The following SIAH3 variants were observed in gnomAD, a reference collection of about 807,000 sequenced individuals.
SIAH3 encodes seven in absentia homolog 3.
SIAH3 carries 9 observed loss-of-function variants against 12.6 expected under a neutral mutation model. The observed-to-expected ratio is 0.72, with a 90% confidence interval of 0.43 to 1.25. The LOEUF (loss-of-function observed/expected upper bound fraction) is 1.25. Ranked by LOEUF, SIAH3 falls within the 50% of genes most tolerant of loss-of-function variation. SIAH3 has a pLI of 0.00. For synonymous variants in SIAH3, 154 were observed against 151.1 expected (o/e 1.02, Z -0.14); for missense variants, 390 against 365.4 (o/e 1.07, Z -0.55).
intron 1 of SIAH3, among the ~76,000 whole-genome samples, chr13:45,844,485 T>C (rs9534234): frequency 0.45 from 68,797 of 152,008 alleles, 16,030 homozygotes; most frequent in African/African-American, 0.53. Flanking sequence ...AAATGAGAGT[T>C]AACCATTGGC....
chr13:45,841,383 C>G (rs942734116), intron 1 of SIAH3, among the ~76,000 whole-genome samples: 6 of 152,186 alleles, frequency 3.9e-5, no homozygotes, highest in Admixed American at 2.0e-4. Context: ...CTGCAGTGGC[C>G]CATCTCTTCT....
At chr13:45,831,179 AAAATAAATAAATAAATAAAT>A (rs200362215) in intron 1 of SIAH3, among the ~76,000 whole-genome samples, 6 of 142,578 alleles carry the variant, frequency 4.2e-5, no homozygotes, top group Non-Finnish European at 6.0e-5. Flanking sequence ...ACTGTGCCTC[AAAATAAATAAATAAATAAAT>A]AAATAAATAA....
chr13:45,787,411 C>A (rs550244254), intron 1 of SIAH3, among the ~76,000 whole-genome samples: 7 of 152,312 alleles, frequency 4.6e-5, no homozygotes, highest in African/African-American at 1.7e-4. Context: ...CCTATCCTGC[C>A]TCACTAGCTC....
chr13:45,840,166 G>A (rs1375782034), intron 1 of SIAH3, among the ~76,000 whole-genome samples: 3 of 152,010 alleles, frequency 2.0e-5, no homozygotes, highest in Non-Finnish European at 4.4e-5. Flanking sequence ...GCTGAGGTGT[G>A]AGAATCACTT....
intron 1 of SIAH3, among the ~76,000 whole-genome samples, chr13:45,837,403 C>A: frequency 6.6e-6 from 1 of 151,278 alleles, no homozygotes; most frequent in Middle Eastern, 3.2e-3. Context: ...ATATGAGGAG[C>A]TTTTTGGGGA....
intron 1 of SIAH3, among the ~76,000 whole-genome samples, chr13:45,850,104 G>A (rs1053866744): frequency 7.9e-5 from 12 of 152,194 alleles, no homozygotes; most frequent in Non-Finnish European, 1.6e-4. Context: ...AGGTGTGAAC[G>A]GTTGCATGCG....
intron 1 of SIAH3, among the ~76,000 whole-genome samples, chr13:45,790,138 A>C (rs562732323): frequency 1.3e-5 from 2 of 152,184 alleles, no homozygotes; most frequent in Non-Finnish European, 2.9e-5. Flanking sequence ...CCTCTGAAAT[A>C]CCACTGCATA....
At chr13:45,824,888 A>AC (rs1566094447) in intron 1 of SIAH3, among the ~76,000 whole-genome samples, 1 of 105,440 alleles carries the variant, frequency 9.5e-6, no homozygotes, top group South Asian at 2.9e-4. Context: ...AAAAAAAAAA[A>AC]CAAAAAAAAC....
rs1327018299 is a variant in SIAH3 at position 45,778,750 on chromosome 13, AAG to A, written c.*4631_*4632del. Reference sequence around the variant, plus strand: ...AATCAAGAATATTCAGGAAAAAAAAAAGAAATAATACAACAATAAGAAATAAT... The same window carrying A: ...AATCAAGAATATTCAGGAAAAAAAAAAAATAATACAACAATAAGAAATAAT... On this transcript the variant is annotated 3_prime_UTR_variant, in exon 2 of 2. Coordinates refer to ENST00000400405, the MANE Select transcript of SIAH3 (RefSeq NM_198849.3). 2 of 152,248 alleles carry A rather than the reference AAG, an allele frequency of 1.3e-5. No homozygotes were observed. Among genetic ancestry groups the A allele is most frequent in the Admixed American group, 6.5e-5 (1 of 15,288 alleles). 9.4% of individuals were successfully genotyped at this position (152,248 alleles called of 1,614,324 possible). A position where few individuals can be genotyped will look rare whatever the true frequency, so the allele number is the denominator to read the frequency against.
chr13:45,851,453 T>A, intron 1 of SIAH3, 42 bp downstream of exon 1: 1 of 1,610,226 alleles, frequency 6.2e-7, no homozygotes, highest in Non-Finnish European at 8.5e-7. Context: ...AGAAAGGACT[T>A]GAACCTGAGC....
intron 1 of SIAH3, among the ~76,000 whole-genome samples, chr13:45,833,801 C>T (rs961187290): frequency 1.5e-4 from 23 of 152,108 alleles, no homozygotes; most frequent in African/African-American, 4.8e-4. Flanking sequence ...CCAGAGCTGG[C>T]TCCCTCTCCC....
intron 1 of SIAH3, among the ~76,000 whole-genome samples, chr13:45,824,679 T>A (rs115255663): frequency 0.11 from 16,551 of 152,070 alleles, 1,273 homozygotes; most frequent in African/African-American, 0.21. Flanking sequence ...ACATAGAGCC[T>A]GGCACACAAA....
chr13:45,840,053 T>A (rs778516317), intron 1 of SIAH3, among the ~76,000 whole-genome samples: 1 of 151,724 alleles, frequency 6.6e-6, no homozygotes, highest in Non-Finnish European at 1.5e-5. Flanking sequence ...AGGTAAGGAG[T>A]TCGAGACCAG....
chr13:45,851,541 G>A lies in SIAH3; in HGVS notation c.89C>T (p.Ala30Val), dbSNP rs1047168191. The A allele has an allele frequency of 1.2e-6, 2 of 1,614,202 alleles. No individual in the cohort carries two copies. The highest frequency in any genetic ancestry group is 2.7e-5 in the African/African-American group (2 of 75,038). Residue 30 changes from alanine to valine, a missense_variant, in exon 1 of 2, where the codon GCT (alanine) becomes GTT (valine). Ala to Val is a moderately conservative substitution (Grantham distance 64, BLOSUM62 0). Transcript: ENST00000400405. ...QHYKAKRVFS[A>V]AGQLVCVVNP... ...GACGACACAGACAAGTTGCCCGGCA[G>A]CGGAGAAAACCCGTTTAGCCTTGTA...
At chr13:45,851,182 C>A (rs184336073) in intron 1 of SIAH3, among the ~76,000 whole-genome samples, 1 of 152,076 alleles carries the variant, frequency 6.6e-6, no homozygotes, top group Non-Finnish European at 1.5e-5. Context: ...GATGGGGACG[C>A]CCCCCTGTTC....
chr13:45,814,805 C>A (rs541968248), intron 1 of SIAH3, among the ~76,000 whole-genome samples: 1 of 151,756 alleles, frequency 6.6e-6, no homozygotes, highest in Non-Finnish European at 1.5e-5. Context: ...GCACTGCAAC[C>A]TCTGCCTTCC....
chr13:45,821,810 C>T (rs1400048589), intron 1 of SIAH3, among the ~76,000 whole-genome samples: 2 of 152,164 alleles, frequency 1.3e-5, no homozygotes, highest in African/African-American at 4.8e-5. Context: ...TGTTGCTCAG[C>T]ACGTTGGGTA....
chr13:45,847,908 A>G (rs1350971696), intron 1 of SIAH3, among the ~76,000 whole-genome samples: 3 of 152,078 alleles, frequency 2.0e-5, no homozygotes, highest in Non-Finnish European at 4.4e-5. Flanking sequence ...CCTTCTCTGG[A>G]AAAACCTGGG....
intron 1 of SIAH3, among the ~76,000 whole-genome samples, chr13:45,790,231 A>T (rs1566087207): frequency 6.6e-6 from 1 of 152,182 alleles, no homozygotes; most frequent in African/African-American, 2.4e-5. Context: ...TTGAGTCTTG[A>T]CCTATCTATG....
Sources: allele counts gnomAD v4.1 joint callset (sites outside exome capture counted in the v4.1 genomes callset), GRCh38; gene constraint gnomAD v4.1.1; transcripts MANE v1.5; gene names NCBI Gene and HGNC (gene_info 2026-07-23, HGNC 2026-07-21).